ATP9A: variants seen among roughly 807,000 people sequenced by gnomAD.
ATP9A encodes probable phospholipid-transporting ATPase IIA.
In ATP9A, 52 loss-of-function variants were observed where a neutral mutation model predicts 144.1. That is an observed-to-expected ratio of 0.36 (90% CI 0.29 to 0.45). ATP9A has a LOEUF of 0.45. Among genes scored for constraint, ATP9A ranks in the 20% least tolerant of loss-of-function variants. The probability of loss-of-function intolerance (pLI) is 1.00; values close to 1 mark genes in which losing one functional copy is unlikely to be tolerated. For synonymous variants in ATP9A, 582 were observed against 557.4 expected, an observed-to-expected ratio of 1.04 and a Z score of -0.62; for missense variants, 947 against 1,392.7, an observed-to-expected ratio of 0.68 and a Z score of 5.09.
intron 1 of ATP9A, among the ~76,000 whole-genome samples, chr20:51,764,059 C>T (rs1283028172): frequency 1.3e-5 from 2 of 152,166 alleles, no homozygotes; most frequent in Admixed American, 1.3e-4. Flanking sequence ...TTACCATTAG[C>T]CCTAGTAAAC....
At chr20:51,752,784 A>T (rs2077838080) in intron 1 of ATP9A, among the ~76,000 whole-genome samples, 1 of 152,134 alleles carries the variant, frequency 6.6e-6, no homozygotes. Flanking sequence ...TGTTTGCTTT[A>T]GGAAGGGCCA....
rs1161622264 is a variant in ATP9A at position 51,748,944 on chromosome 20, T to TAGACAGACAGACAGAC, written c.69-18967_69-18966insGTCTGTCTGTCTGTCT. Among the ~76,000 whole-genome samples the TAGACAGACAGACAGAC allele has an allele frequency of 3.7e-3, 370 of 100,988 alleles. 1 individual carries two copies. The highest frequency in any genetic ancestry group is 8.5e-3 in the African/African-American group (230 of 27,130). 66.3% of individuals were successfully genotyped at this position (100,988 alleles called of 152,430 possible). On this transcript the variant is annotated intron_variant, in intron 1 of 27. Coordinates refer to ENST00000338821, the MANE Select transcript of ATP9A (RefSeq NM_006045.3). ...ATAGATAGATAGATAGATAGATAGA[T>TAGACAGACAGACAGAC]AGATAGACAGACAGACAGACAGACA...
rs1428323688 is a variant in ATP9A at position 51,649,459 on chromosome 20, C to G, written c.1506+7479G>C. On this transcript the variant is annotated intron_variant, in intron 14 of 27. Coordinates refer to ENST00000338821, the MANE Select transcript of ATP9A (RefSeq NM_006045.3). ...CATAAGAGGGGCTCATAGCCCAGGG[C>G]CTGGCACAGAGCAGGTATTCAATAG... Among the ~76,000 whole-genome samples the G allele has an allele frequency of 2.6e-5, 4 of 152,180 alleles. No homozygotes were observed. In the East Asian group the frequency reaches 7.7e-4, roughly 29 times the overall value.
intron 4 of ATP9A, among the ~76,000 whole-genome samples, chr20:51,709,701 C>T (rs77426445): frequency 6.6e-6 from 1 of 152,126 alleles, no homozygotes; most frequent in Non-Finnish European, 1.5e-5. Context: ...CACTCCAACC[C>T]GGGTGACACA....
chr20:51,678,889 A>C (rs1006633463), intron 9 of ATP9A, among the ~76,000 whole-genome samples: 3 of 152,104 alleles, frequency 2.0e-5, no homozygotes, highest in Non-Finnish European at 4.4e-5. Context: ...CCTCCACAAG[A>C]TCCAAACCCC....
At chr20:51,602,801 TTTC>T (rs1307070124) in intron 27 of ATP9A, among the ~76,000 whole-genome samples, 1 of 152,192 alleles carries the variant, frequency 6.6e-6, no homozygotes, top group Non-Finnish European at 1.5e-5. Flanking sequence ...TTTTTAGACT[TTTC>T]TTCTTCTCCT....
Position 51,605,019 on chromosome 20 carries a change from C to A in ATP9A, c.2805G>T (p.Gly935=). Residue 935 remains glycine (G), a splice_region_variant and synonymous_variant, in exon 27 of 28, where the codon GGG becomes GGT. Coordinates refer to ENST00000338821, the MANE Select transcript of ATP9A (RefSeq NM_006045.3). Reference sequence around the variant, plus strand: ...GCAGCGCCCCGTACATGATGGTGCTCCCTGCAAACACCAGAGAAGGGTATT... The same window carrying A: ...GCAGCGCCCCGTACATGATGGTGCTACCTGCAAACACCAGAGAAGGGTATT... The part of the protein sequence containing the change: ...LIWVLISIYQ[G]STIMYGALLL... The A allele has an allele frequency of 6.2e-7, 1 of 1,603,140 alleles. No individual in the cohort carries two copies. Among genetic ancestry groups the A allele is most frequent in the South Asian group, 1.1e-5 (1 of 89,352 alleles).
At chr20:51,768,110 G>A (rs1388058074) in intron 1 of ATP9A, among the ~76,000 whole-genome samples, 192 bp downstream of exon 1, 1 of 152,000 alleles carries the variant, frequency 6.6e-6, no homozygotes, top group East Asian at 2.0e-4. Flanking sequence ...CAAAGGGCCG[G>A]CATCAGGCTA....
intron 15 of ATP9A, 85 bp downstream of exon 15, chr20:51,639,258 G>C (rs915397905): frequency 4.3e-6 from 6 of 1,392,142 alleles, no homozygotes; most frequent in Non-Finnish European, 5.9e-6. Context: ...AGTAAAGAGG[G>C]TTAGAAAGAA....
At chr20:51,664,542 G>C (rs2122779160) in intron 13 of ATP9A, among the ~76,000 whole-genome samples, 1 of 151,990 alleles carries the variant, frequency 6.6e-6, no homozygotes, top group Non-Finnish European at 1.5e-5. Context: ...GAGCTGTGAT[G>C]GCACCACTGC....
chr20:51,730,471 A>C (rs8118630), intron 1 of ATP9A, among the ~76,000 whole-genome samples: 10,246 of 152,234 alleles, frequency 0.067, 776 homozygotes, highest in African/African-American at 0.19. Flanking sequence ...CGTCTCAAAA[A>C]ATAAGTAAAT....
chr20:51,665,100 C>T (rs1246202693), intron 13 of ATP9A, among the ~76,000 whole-genome samples: 1 of 66,912 alleles, frequency 1.5e-5, no homozygotes, highest in African/African-American at 3.7e-5. Context: ...ACACCTGCTA[C>T]AACCGGAAGA....
At position 51,639,440 on chromosome 20, in the gene ATP9A, A is replaced by G. The variant is rs1256434959; in HGVS notation, c.1571T>C (p.Met524Thr). The change falls in exon 15 of 28, where the codon ATG becomes ACG. Residue 524 changes from methionine (M) to threonine (T), a missense_variant. By Grantham distance (81) the Met-to-Thr change is moderately conservative. This residue lies in a region of ATP9A where 770 missense variants were observed against 1,047.9 expected (regional missense o/e 0.73). Coordinates refer to ENST00000338821, the MANE Select transcript of ATP9A (RefSeq NM_006045.3). The part of the protein sequence containing the change: ...LTLVGRDQSS[M>T]QLRTPGDQIL... Reference sequence around the variant, plus strand: ...CTGGTCGCCAGGGGTCCTCAGCTGCATGGAAGACTGGTCTCGGCCCACCAG... The same window carrying G: ...CTGGTCGCCAGGGGTCCTCAGCTGCGTGGAAGACTGGTCTCGGCCCACCAG... 2.5e-6 allele frequency: 4 copies of G among 1,614,062 alleles called. No homozygotes were observed. Among genetic ancestry groups the G allele is most frequent in the Admixed American group, 1.7e-5 (1 of 59,992 alleles).
intron 1 of ATP9A, among the ~76,000 whole-genome samples, chr20:51,730,898 G>T (rs977391364): frequency 9.2e-5 from 14 of 152,316 alleles, no homozygotes; most frequent in African/African-American, 3.4e-4. Context: ...GCCAGCCATG[G>T]TGGTTTATGC....
intron 1 of ATP9A, among the ~76,000 whole-genome samples, chr20:51,767,329 C>G (rs947293997): frequency 2.6e-5 from 4 of 152,192 alleles, no homozygotes; most frequent in African/African-American, 4.8e-5. Context: ...CAGGCCCCGC[C>G]CCCCAGAACT....
chr20:51,631,458 T>C (rs754924068), intron 15 of ATP9A, among the ~76,000 whole-genome samples: 2 of 152,162 alleles, frequency 1.3e-5, no homozygotes, highest in Non-Finnish European at 2.9e-5. Context: ...TAGGAAATGA[T>C]GCTCCCAGCC....
intron 1 of ATP9A, among the ~76,000 whole-genome samples, chr20:51,744,352 G>A (rs960064428): frequency 5.9e-5 from 9 of 152,176 alleles, no homozygotes; most frequent in African/African-American, 2.2e-4. Context: ...TTTTAGTAGA[G>A]ATGGGGTTTC....
intron 2 of ATP9A, among the ~76,000 whole-genome samples, chr20:51,726,680 G>A (rs1422607870): frequency 6.6e-6 from 1 of 151,982 alleles, no homozygotes; most frequent in Non-Finnish European, 1.5e-5. Context: ...CTGGGCTCAG[G>A]CGATCCTCCT....
intron 1 of ATP9A, among the ~76,000 whole-genome samples, chr20:51,743,395 G>GCTTTTTTT (rs1489280599): frequency 9.2e-5 from 4 of 43,430 alleles, no homozygotes; most frequent in African/African-American, 1.3e-4. Context: ...GACCGAAACT[G>GCTTTTTTT]ATTTTTTTTT....
Sources: allele counts gnomAD v4.1 joint callset (sites outside exome capture counted in the v4.1 genomes callset), GRCh38; gene constraint gnomAD v4.1.1; regional missense constraint gnomAD v4.1.1; transcripts MANE v1.5; gene names NCBI Gene and HGNC (gene_info 2026-07-23, HGNC 2026-07-21).